The following CTDSP1 variants were observed in gnomAD, a reference collection of about 807,000 sequenced individuals.
CTDSP1 encodes the protein CTD small phosphatase 1, also known as carboxy-terminal domain RNA polymerase II polypeptide A small phosphatase 1.
In CTDSP1, 15 loss-of-function variants were observed where a neutral mutation model predicts 32.5. That is an observed-to-expected ratio of 0.46 (90% CI 0.31 to 0.71). The LOEUF (loss-of-function observed/expected upper bound fraction) is 0.71, where lower values mean the gene tolerates loss of function less well. CTDSP1 is among the 30% of genes least tolerant of loss of function. The pLI, the probability that CTDSP1 is intolerant of heterozygous loss-of-function variation, is 0.05. For synonymous variants in CTDSP1, 185 were observed against 145.4 expected (o/e 1.27, Z -1.96); for missense variants, 294 against 351.1 (o/e 0.84, Z 1.30).
chr2:218,402,567 G>A (rs1285443885), intron 4 of CTDSP1, 162 bp downstream of exon 4: 3 of 809,944 alleles, frequency 3.7e-6, no homozygotes, highest in Non-Finnish European at 6.5e-6. Context: ...GAACCTCAAG[G>A]GCTTGTGCTG....
intron 1 of CTDSP1, chr2:218,401,208 G>A (rs1206645256): frequency 2.6e-6 from 1 of 380,472 alleles, no homozygotes; most frequent in Non-Finnish European, 5.1e-6. Flanking sequence ...CTGAGCAGGG[G>A]TGCTCAGGTA....
intron 6 of CTDSP1, 120 bp from the exon 7 acceptor site, chr2:218,404,177 A>G: frequency 1.6e-6 from 2 of 1,256,684 alleles, no homozygotes; most frequent in East Asian, 2.4e-5. Context: ...AAGTTTGAAC[A>G]CTGTGGGTGA....
chr2:218,397,423 T>C (rs1354679179), upstream of CTDSP1, among the ~76,000 whole-genome samples: 1 of 152,010 alleles, frequency 6.6e-6, no homozygotes, highest in African/African-American at 2.4e-5. Context: ...CACTTGGCAC[T>C]CCCCAAGAGC....
chr2:218,404,078 C>T (rs1360837085), intron 6 of CTDSP1, among the ~76,000 whole-genome samples: 1 of 151,950 alleles, frequency 6.6e-6, no homozygotes, highest in African/African-American at 2.4e-5. Context: ...AAAAAAGTAT[C>T]CGAGTGCTTC....
At chr2:218,401,305 C>T (rs917659270) in intron 1 of CTDSP1, 7 of 548,366 alleles carry the variant, frequency 1.3e-5, no homozygotes, top group East Asian at 9.5e-5. Context: ...CCCAGGACCT[C>T]CTTCTCCAGG....
chr2:218,400,338 G>C (rs938172990), intron 1 of CTDSP1, 181 bp downstream of exon 1: 12 of 721,288 alleles, frequency 1.7e-5, no homozygotes, highest in Non-Finnish European at 2.4e-5. Flanking sequence ...CAGAGACGCG[G>C]GGCGGGGCCT....
At chr2:218,399,714 C>A (rs1559133720), upstream of CTDSP1, 2 of 995,112 alleles carry the variant, frequency 2.0e-6, no homozygotes, top group Non-Finnish European at 1.2e-6. Flanking sequence ...GCGACGCCCC[C>A]TGGAGCGCGG....
At chr2:218,403,584 C>T in intron 6 of CTDSP1, 167 bp downstream of exon 6, 2 of 609,110 alleles carry the variant, frequency 3.3e-6, no homozygotes, top group Admixed American at 3.2e-5. Flanking sequence ...CATCCACCTG[C>T]CCTGTAGCCA....
At chr2:218,402,985 C>T (rs780354648) in intron 4 of CTDSP1, 50 bp from the exon 5 acceptor site, 1 of 1,414,266 alleles carries the variant, frequency 7.1e-7, no homozygotes, top group Non-Finnish European at 1.0e-6. Context: ...CCTCGGCCAC[C>T]CCCACACTGC....
At chr2:218,400,962 C>A in intron 1 of CTDSP1, 1 of 335,302 alleles carries the variant, frequency 3.0e-6, no homozygotes, top group Non-Finnish European at 5.9e-6. Flanking sequence ...AGGCTAGTTG[C>A]AGGGGGCCGG....
intron 1 of CTDSP1, chr2:218,401,041 G>A (rs1022697076): frequency 4.7e-6 from 2 of 423,222 alleles, no homozygotes; most frequent in Non-Finnish European, 4.8e-6. Context: ...TCTGGGCGGG[G>A]CAGGGCAAAC....
rs1574802046 is a variant in CTDSP1, at chr2:218,404,328, G to A, written c.689G>A (p.Ser230Asn). The A allele has an allele frequency of 6.2e-7, 1 of 1,614,182 alleles. No individual in the cohort carries two copies. The highest frequency in any genetic ancestry group is 2.2e-5 in the East Asian group (1 of 44,880). ...GTGGCCTCGTGGTTTGACAACATGA[G>A]TGACACAGAGCTCCACGACCTCCTC... is the stretch of plus-strand genomic sequence containing the variant. ...VPVASWFDNMSDTELHDLLPF... is the reference protein window; with the variant it reads ...VPVASWFDNMNDTELHDLLPF... Residue 230 changes from serine (S) to asparagine (N), a missense_variant, in exon 7 of 7, where the codon AGT becomes AAT. By Grantham distance (46) the Ser-to-Asn change is conservative (BLOSUM62 1). This residue lies in a region of CTDSP1 where 146 missense variants were observed against 237.7 expected (regional missense o/e 0.61). Transcript: ENST00000273062.
At chr2:218,400,642 C>T (rs969803017) in intron 1 of CTDSP1, 8 of 428,876 alleles carry the variant, frequency 1.9e-5, no homozygotes, top group East Asian at 7.0e-5. Context: ...CCCGCCAACA[C>T]ACAGCTACGT....
Position 218,400,534 on chromosome 2 carries a change from GCCCCACCCCCCAC to G in CTDSP1, c.67+389_67+401del, listed in dbSNP as rs1349387591. 106 of 379,752 alleles carry G rather than the reference GCCCCACCCCCCAC, an allele frequency of 2.8e-4. 1 individual carries two copies. Among genetic ancestry groups the G allele is most frequent in the African/African-American group, 1.9e-3 (92 of 47,484 alleles). 23.5% of individuals were successfully genotyped at this position (379,752 alleles called of 1,614,324 possible). The stretch of plus-strand genomic sequence containing the variant: ...CCTATGGGCCACCCGCTGAGACTCC[GCCCCACCCCCCAC>G]CCCCACCCCCCCGGGCTGCGGTCCG... On this transcript the variant is annotated intron_variant, in intron 1 of 6. Transcript: ENST00000273062.
intron 1 of CTDSP1, chr2:218,401,139 GTGGAGAGGA>G (rs892442344): frequency 8.2e-6 from 3 of 366,440 alleles, no homozygotes; most frequent in African/African-American, 6.3e-5. Flanking sequence ...ACCCACGGGG[GTGGAGAGGA>G]TGGAGGGAGG....
chr2:218,400,259 C>T (rs754114536), intron 1 of CTDSP1, 102 bp downstream of exon 1: 3 of 1,106,954 alleles, frequency 2.7e-6, no homozygotes, highest in Non-Finnish European at 2.6e-6. Context: ...CCCGGGCGGC[C>T]GCCTTAGCTG....
chr2:218,400,534 G>GCCCCACCCCCCAC (rs1349387591), intron 1 of CTDSP1: 46 of 379,742 alleles, frequency 1.2e-4, no homozygotes, highest in South Asian at 5.3e-4. Flanking sequence ...CTGAGACTCC[G>GCCCCACCCCCCAC]CCCCACCCCC....
At chr2:218,402,272 C>T in intron 3 of CTDSP1, 57 bp downstream of exon 3, 1 of 1,611,256 alleles carries the variant, frequency 6.2e-7, no homozygotes, top group Non-Finnish European at 8.5e-7. Flanking sequence ...CCCACCCTGG[C>T]CTGGGAGGGA....
chr2:218,398,209 G>A, upstream of CTDSP1: 1 of 578,710 alleles, frequency 1.7e-6, no homozygotes, highest in East Asian at 3.2e-5. Context: ...GGAGACAGAT[G>A]TCCCGCTCCC....
Sources: allele counts gnomAD v4.1 joint callset (sites outside exome capture counted in the v4.1 genomes callset), GRCh38; gene constraint gnomAD v4.1.1; regional missense constraint gnomAD v4.1.1; transcripts MANE v1.5; gene names NCBI Gene and HGNC (gene_info 2026-07-23, HGNC 2026-07-21).